JADE3: variants seen among roughly 807,000 people sequenced by gnomAD.
JADE3 encodes jade family PHD finger 3, also known as protein Jade-3.
A neutral mutation model predicts 50.1 loss-of-function variants in JADE3; 2 were observed. The observed-to-expected ratio is 0.04, with a 90% CI of 0.02 to 0.13. The LOEUF (loss-of-function observed/expected upper bound fraction) is 0.13. Among genes scored for constraint, JADE3 ranks in the 10% least tolerant of loss-of-function variants. JADE3 has a pLI of 1.00. For missense variants in JADE3, 475 were observed against 634.4 expected, an observed-to-expected ratio of 0.75 and a Z score of 2.70; for synonymous variants, 218 against 232.9, an observed-to-expected ratio of 0.94 and a Z score of 0.58.
chrX:47,011,348 G>T (rs1168355935), intron 4 of JADE3, among the ~76,000 whole-genome samples: 2 of 112,332 alleles, frequency 1.8e-5, no homozygotes, highest in Non-Finnish European at 3.8e-5. Context: ...ATAATATTCT[G>T]TTATATGGAT....
intron 1 of JADE3, among the ~76,000 whole-genome samples, chrX:46,941,192 T>C (rs1211350425): frequency 9.0e-6 from 1 of 111,138 alleles, no homozygotes; most frequent in African/African-American, 3.3e-5. Context: ...TCTGTATTAA[T>C]TCACTTAGGA....
At chrX:46,986,596 G>C in intron 3 of JADE3, among the ~76,000 whole-genome samples, 1 of 112,096 alleles carries the variant, frequency 8.9e-6, no homozygotes, top group East Asian at 2.8e-4. Flanking sequence ...AGGAGAGATA[G>C]TACAGAAAGG....
intron 1 of JADE3, among the ~76,000 whole-genome samples, chrX:46,974,736 T>C (rs1373933329): frequency 2.7e-5 from 3 of 112,748 alleles, no homozygotes; most frequent in Non-Finnish European, 3.7e-5. Flanking sequence ...GTTTTCCTTT[T>C]GATAAAATTG....
At chrX:46,951,194 A>G in intron 1 of JADE3, among the ~76,000 whole-genome samples, 1 of 106,283 alleles carries the variant, frequency 9.4e-6, no homozygotes, top group Non-Finnish European at 2.0e-5. Context: ...TTTCTGGCTA[A>G]CTTTTGTGTT....
chrX:47,004,077 C>T (rs1487254802), intron 4 of JADE3, among the ~76,000 whole-genome samples: 3 of 108,075 alleles, frequency 2.8e-5, no homozygotes, highest in Non-Finnish European at 5.7e-5. Context: ...AAGTGTTCAT[C>T]GCCACGCCCA....
rs148824488 is a variant in JADE3 at position 46,968,524 on chromosome X, C to T, written c.-11-16360C>T. ...AGGAATTGGAGGTTATGGTGAGCTA[C>T]GATTGTGCCACTGCACTCCAGCCTG... On this transcript the variant is annotated intron_variant, in intron 1 of 10. Coordinates refer to ENST00000614628, the MANE Select transcript of JADE3 (RefSeq NM_014735.5). Among the ~76,000 whole-genome samples, 519 of 111,018 alleles carry T rather than the reference C, an allele frequency of 4.7e-3. 1 individual carries two copies. Among genetic ancestry groups the T allele is most frequent in the African/African-American group, 0.015 (456 of 30,540 alleles).
At chrX:47,048,551 G>A (rs781949380) in intron 8 of JADE3, among the ~76,000 whole-genome samples, 2 of 112,235 alleles carry the variant, frequency 1.8e-5, no homozygotes, top group Non-Finnish European at 3.8e-5. Context: ...GGAACCTGAA[G>A]AACATGCTAA....
intron 7 of JADE3, 147 bp downstream of exon 7, chrX:47,033,935 G>C (rs1929075890): frequency 4.4e-6 from 2 of 455,953 alleles, no homozygotes; most frequent in East Asian, 3.7e-5. Context: ...AGCTACCTCA[G>C]ATCCTTATTG....
chrX:47,018,953 T>A (rs1430198816), intron 4 of JADE3, among the ~76,000 whole-genome samples: 1 of 112,226 alleles, frequency 8.9e-6, no homozygotes, highest in Non-Finnish European at 1.9e-5. Flanking sequence ...TAACATAGAC[T>A]ACACATGGCC....
At chrX:46,946,831 T>G (rs1166657772) in intron 1 of JADE3, among the ~76,000 whole-genome samples, 1 of 111,801 alleles carries the variant, frequency 8.9e-6, no homozygotes, top group East Asian at 2.8e-4. Flanking sequence ...AAGAGCCTGA[T>G]GATAAACATT....
chrX:47,054,838 C>T (rs1394812309), intron 9 of JADE3, among the ~76,000 whole-genome samples: 2 of 111,749 alleles, frequency 1.8e-5, no homozygotes, highest in African/African-American at 6.5e-5. Flanking sequence ...CGGGTATATG[C>T]TCTATGAACT....
intron 1 of JADE3, among the ~76,000 whole-genome samples, chrX:46,971,974 T>C (rs1556350528): frequency 9.1e-6 from 1 of 109,815 alleles, no homozygotes; most frequent in African/African-American, 3.3e-5. Context: ...TCAATTGTAT[T>C]CTTCAAATTT....
In JADE3 at chrX:47,054,568, A is replaced by G. The variant is rs782584418; in HGVS notation, c.1383A>G (p.Lys461=). 1 of 1,210,401 alleles carries G rather than the reference A, an allele frequency of 8.3e-7. No homozygotes were observed. Among genetic ancestry groups the G allele is most frequent in the Non-Finnish European group, 1.1e-6 (1 of 894,706 alleles). Residue 461 remains lysine, a synonymous_variant, in exon 9 of 11, where the codon AAA becomes AAG. Transcript: ENST00000614628. ...AAGAAAATGGGCTGGTGCAGCCAAA[A>G]GAGGAAAGCATTCACACTCGAATGA... ...EDEENGLVQP[K]EESIHTRMRM...
At chrX:46,966,519 G>A (rs1927371894) in intron 1 of JADE3, among the ~76,000 whole-genome samples, 1 of 111,157 alleles carries the variant, frequency 9.0e-6, no homozygotes, top group African/African-American at 3.3e-5. Flanking sequence ...TAGCAACACA[G>A]GGAACTTGAA....
chrX:47,049,805 A>G (rs1556371563), intron 8 of JADE3, among the ~76,000 whole-genome samples: 1 of 82,336 alleles, frequency 1.2e-5, no homozygotes, highest in East Asian at 3.8e-4. Context: ...CCTGTCGTCC[A>G]GGCTGGAGTG....
intron 1 of JADE3, among the ~76,000 whole-genome samples, chrX:46,921,680 G>A (rs1212857605): frequency 9.0e-6 from 1 of 111,020 alleles, no homozygotes; most frequent in Non-Finnish European, 1.9e-5. Context: ...TTTCTTTATG[G>A]TAATCCAGGT....
chrX:46,916,814 G>A (rs1556336432), intron 1 of JADE3, among the ~76,000 whole-genome samples: 1 of 111,907 alleles, frequency 8.9e-6, no homozygotes, highest in Non-Finnish European at 1.9e-5. Context: ...TCACAGTCAG[G>A]AGGAAGAGTG....
intron 1 of JADE3, among the ~76,000 whole-genome samples, chrX:46,952,671 G>A (rs906825640): frequency 2.7e-5 from 3 of 112,059 alleles, no homozygotes; most frequent in Non-Finnish European, 5.6e-5. Context: ...TAGGGCACAA[G>A]GGGCAGGCAA....
At chrX:47,048,259 G>A (rs990416617) in intron 8 of JADE3, among the ~76,000 whole-genome samples, 1 of 111,647 alleles carries the variant, frequency 9.0e-6, no homozygotes, top group Non-Finnish European at 1.9e-5. Flanking sequence ...TTATCAGGCA[G>A]GACATTCCAG....
Sources: allele counts gnomAD v4.1 joint callset (sites outside exome capture counted in the v4.1 genomes callset), GRCh38; gene constraint gnomAD v4.1.1; transcripts MANE v1.5; gene names NCBI Gene and HGNC (gene_info 2026-07-23, HGNC 2026-07-21).